Variants in PPP1R12B observed in about 807,000 individuals in gnomAD.
The protein encoded by PPP1R12B is myosin phosphatase target subunit 2.
PPP1R12B carries 76 observed loss-of-function variants against 126.1 expected under a neutral mutation model. The ratio of observed to expected loss-of-function variants is 0.60; its 90% CI spans 0.50 to 0.73. PPP1R12B has a LOEUF of 0.73. PPP1R12B is among the 30% of genes least tolerant of loss of function. PPP1R12B has a pLI of 0.00. For synonymous variants in PPP1R12B, 356 were observed against 434.7 expected (o/e 0.82, Z 2.25); for missense variants, 1,052 against 1,205.1 (o/e 0.87, Z 1.88).
chr1:202,436,842 A>G (rs1670883981), intron 9 of PPP1R12B, among the ~76,000 whole-genome samples: 1 of 150,922 alleles, frequency 6.6e-6, no homozygotes, highest in Non-Finnish European at 1.5e-5. Flanking sequence ...CAACCCTTTG[A>G]CCTCTAGTTT....
chr1:202,411,262 T>C (rs1290080557), intron 1 of PPP1R12B, among the ~76,000 whole-genome samples: 1 of 146,414 alleles, frequency 6.8e-6, no homozygotes, highest in East Asian at 2.0e-4. Context: ...TATTCCTTCT[T>C]CTGGAGGCAA....
Position 202,495,301 on chromosome 1 carries a change from T to G in PPP1R12B, c.2154T>G (p.Cys718Trp). The change falls in exon 16 of 24, where the codon TGT becomes TGG. Residue 718 changes from cysteine to tryptophan, a missense_variant. Physicochemically the swap from Cys to Trp is radical, Grantham distance 215. Coordinates refer to ENST00000608999, the MANE Select transcript of PPP1R12B (RefSeq NM_002481.4). ...WGRSLDEEPI[C>W]HRLRCPAQPD... ...TTGTGGATTATTTCCAGCCTATCTG[T>G]CATCGCCTGAGGTGCCCAGCTCAGC... The G allele has an allele frequency of 6.4e-7, 1 of 1,557,846 alleles. No homozygotes were observed.
intron 1 of PPP1R12B, among the ~76,000 whole-genome samples, chr1:202,379,511 A>G (rs1480878681): frequency 6.6e-6 from 1 of 152,200 alleles, no homozygotes; most frequent in African/African-American, 2.4e-5. Context: ...TATCTGTGTA[A>G]TGTCTCATAA....
At chr1:202,385,202 A>G (rs1285056610) in intron 1 of PPP1R12B, among the ~76,000 whole-genome samples, 1 of 152,176 alleles carries the variant, frequency 6.6e-6, no homozygotes, top group Non-Finnish European at 1.5e-5. Context: ...GTTACAGAAA[A>G]TCTTCCTTAG....
intron 1 of PPP1R12B, among the ~76,000 whole-genome samples, chr1:202,358,050 T>A (rs1467550449): frequency 1.3e-5 from 2 of 152,184 alleles, no homozygotes; most frequent in African/African-American, 4.8e-5. Context: ...TACATATATA[T>A]CTTCTCTAAG....
chr1:202,506,463 T>C (rs1166046561), intron 18 of PPP1R12B, among the ~76,000 whole-genome samples: 1 of 152,232 alleles, frequency 6.6e-6, no homozygotes, highest in African/African-American at 2.4e-5. Context: ...TTTTTGGACC[T>C]AGTGTCCCAT....
At position 202,427,120 on chromosome 1, in the gene PPP1R12B, G is replaced by A. The variant is rs750811766; in HGVS notation, c.782G>A (p.Gly261Glu). 6.2e-7 allele frequency: 1 copy of A among 1,614,186 alleles called. No homozygotes were observed. Among genetic ancestry groups the A allele is most frequent in the East Asian group, 2.2e-5 (1 of 44,892 alleles). Residue 261 changes from glycine to glutamate, a missense_variant, in exon 5 of 24, where the codon GGA becomes GAA. Gly to Glu is a moderately conservative substitution (Grantham distance 98). Transcript: ENST00000608999. ...WTPLHAAAHWGVKEACSILAE... is the reference protein window; with the variant it reads ...WTPLHAAAHWEVKEACSILAE... ...CCCCTCCATGCTGCTGCACACTGGG[G>A]AGTGAAGGAGGCTTGCTCCATCCTG...
chr1:202,490,741 C>T (rs908806184), intron 14 of PPP1R12B, among the ~76,000 whole-genome samples: 9 of 152,124 alleles, frequency 5.9e-5, no homozygotes, highest in African/African-American at 1.2e-4. Context: ...CCTTTTGTGT[C>T]GTATTTTACT....
chr1:202,551,655 C>T (rs1419881741), intron 18 of PPP1R12B, among the ~76,000 whole-genome samples: 2 of 152,170 alleles, frequency 1.3e-5, no homozygotes, highest in Admixed American at 6.5e-5. Context: ...TGTTACATAG[C>T]ACAGTTGACC....
intron 9 of PPP1R12B, 56 bp downstream of exon 9, chr1:202,434,824 C>T: frequency 6.3e-7 from 1 of 1,594,988 alleles, no homozygotes; most frequent in Non-Finnish European, 8.5e-7. Context: ...CAGTAGCACA[C>T]ATCTAGAAAG....
intron 15 of PPP1R12B, 28 bp from the exon 16 acceptor site, chr1:202,495,265 A>G: frequency 6.6e-7 from 1 of 1,515,592 alleles, no homozygotes; most frequent in Non-Finnish European, 8.8e-7. Context: ...CTTGATTTCT[A>G]ATATCTCATA....
At chr1:202,385,987 G>A (rs2148504901) in intron 1 of PPP1R12B, among the ~76,000 whole-genome samples, 2 of 151,370 alleles carry the variant, frequency 1.3e-5, no homozygotes, top group Non-Finnish European at 2.9e-5. Context: ...AGGCTGGAGT[G>A]CAGTGGCACG....
intron 23 of PPP1R12B, among the ~76,000 whole-genome samples, chr1:202,578,369 C>G (rs1481202316): frequency 6.6e-6 from 1 of 152,186 alleles, no homozygotes; most frequent in Non-Finnish European, 1.5e-5. Flanking sequence ...TATACCCAAG[C>G]TGCAGCCCCA....
chr1:202,364,322 A>T (rs887647365), intron 1 of PPP1R12B, among the ~76,000 whole-genome samples: 1 of 152,266 alleles, frequency 6.6e-6, no homozygotes, highest in Non-Finnish European at 1.5e-5. Context: ...CTTCAAAGTA[A>T]TAGAAACATC....
At chr1:202,572,182 T>A (rs777903337) in intron 23 of PPP1R12B, among the ~76,000 whole-genome samples, 2 of 152,206 alleles carry the variant, frequency 1.3e-5, no homozygotes, top group Non-Finnish European at 2.9e-5. Context: ...CAGCCAAAGG[T>A]ACAGGTGACT....
chr1:202,555,821 A>G lies in PPP1R12B; in HGVS notation c.2491-3056A>G, dbSNP rs143499107. ...ACATGTGAATTCAATTCCTTGAACC[A>G]AAGGTACGAAGTTTTAACTTGGTAC... On this transcript the variant is annotated intron_variant, in intron 18 of 23. Transcript: ENST00000608999. Among the ~76,000 whole-genome samples the G allele has an allele frequency of 1.0e-3, 158 of 152,294 alleles. 1 individual carries two copies. The highest frequency in any genetic ancestry group is 3.7e-3 in the African/African-American group (153 of 41,560).
At chr1:202,466,636 T>C (rs911238009) in intron 13 of PPP1R12B, among the ~76,000 whole-genome samples, 37 of 152,188 alleles carry the variant, frequency 2.4e-4, no homozygotes, top group African/African-American at 8.7e-4. Flanking sequence ...AGGACTTACT[T>C]AGGACAGTGC....
intron 1 of PPP1R12B, among the ~76,000 whole-genome samples, chr1:202,365,999 GC>G (rs895584481): frequency 1.1e-4 from 17 of 150,884 alleles, no homozygotes; most frequent in African/African-American, 4.1e-4. Flanking sequence ...CTCCACTCCC[GC>G]CCCCCCACAA....
intron 18 of PPP1R12B, among the ~76,000 whole-genome samples, chr1:202,497,722 T>A (rs1364363872): frequency 6.6e-6 from 1 of 152,190 alleles, no homozygotes; most frequent in Non-Finnish European, 1.5e-5. Flanking sequence ...CTGCCCTTGG[T>A]TGAAGCTGGG....
Sources: gnomAD v4.1 joint callset for allele counts (sites outside exome capture counted in the v4.1 genomes callset) on GRCh38, gnomAD v4.1.1 for gene constraint, MANE v1.5 for transcripts, NCBI Gene and HGNC (gene_info 2026-07-23, HGNC 2026-07-21) for gene names.